Variants in CHL1 observed in about 807,000 individuals in gnomAD.
The protein encoded by CHL1 is cell adhesion molecule L1 like.
Under a neutral mutation model 141.9 loss-of-function variants are expected in CHL1, and 96 were observed. That is an observed-to-expected ratio of 0.68 (90% CI 0.57 to 0.80). CHL1 has a LOEUF of 0.80. Ranked by LOEUF, CHL1 falls within the 30% of genes least tolerant of loss-of-function variation. The probability of loss-of-function intolerance (pLI) is 0.00; values close to 1 mark genes in which losing one functional copy is unlikely to be tolerated. For synonymous variants in CHL1, 613 were observed against 502.2 expected (o/e 1.22, Z -2.95); for missense variants, 1,820 against 1,457.2 (o/e 1.25, Z -4.05).
intron 9 of CHL1, among the ~76,000 whole-genome samples, chr3:347,746 CCT>C (rs963371584): frequency 1.6e-4 from 25 of 152,258 alleles, no homozygotes; most frequent in African/African-American, 5.8e-4. Context: ...AGCTATGCAT[CCT>C]CTTAGGTGGT....
intron 24 of CHL1, 87 bp downstream of exon 24, chr3:394,959 T>C (rs1456707518): frequency 9.2e-7 from 1 of 1,081,696 alleles, no homozygotes; most frequent in East Asian, 2.6e-5. Context: ...GAAAGCACCG[T>C]GCCAGTCATT....
intron 13 of CHL1, among the ~76,000 whole-genome samples, chr3:362,656 T>C (rs1704394825): frequency 6.6e-6 from 1 of 152,092 alleles, no homozygotes; most frequent in South Asian, 2.1e-4. Flanking sequence ...CAGTCGCTTA[T>C]TGTCAAATGT....
At chr3:351,929 G>A (rs767127677) in intron 10 of CHL1, among the ~76,000 whole-genome samples, 22 of 152,038 alleles carry the variant, frequency 1.4e-4, no homozygotes, top group African/African-American at 5.1e-4. Flanking sequence ...ATATATTATA[G>A]TGACATCTAA....
chr3:314,317 C>G (rs1187067101), intron 2 of CHL1, among the ~76,000 whole-genome samples: 2 of 112,352 alleles, frequency 1.8e-5, no homozygotes, highest in African/African-American at 3.5e-5. Context: ...CTTTCTCTCT[C>G]TCTCTCTATG....
intron 5 of CHL1, among the ~76,000 whole-genome samples, chr3:330,695 T>A (rs1701368966): frequency 6.6e-6 from 1 of 152,168 alleles, no homozygotes; most frequent in Non-Finnish European, 1.5e-5. Flanking sequence ...TATAGTTTAG[T>A]TTTTGTTTCT....
chr3:349,978 AC>A (rs35138601), intron 10 of CHL1, among the ~76,000 whole-genome samples: 37,300 of 152,006 alleles, frequency 0.25, 5,269 homozygotes, highest in East Asian at 0.4. Flanking sequence ...CACTCTCCGT[AC>A]CTCAGGCTCT....
chr3:407,319 G>C lies in CHL1; in HGVS notation c.*1608G>C, dbSNP rs1709590711. On this transcript the variant is annotated 3_prime_UTR_variant, in exon 28 of 28. Transcript: ENST00000256509. ...TTATAGTTCATGGAGACCAAAATTTGGGGTATTTATAATAGTCAGCGCAGG... is the reference window on the plus strand; with the variant it reads ...TTATAGTTCATGGAGACCAAAATTTCGGGTATTTATAATAGTCAGCGCAGG... The C allele has an allele frequency of 6.6e-6, 1 of 152,022 alleles. No individual in the cohort carries two copies. The highest frequency in any genetic ancestry group is 1.5e-5 in the Non-Finnish European group (1 of 67,998). 9.4% of individuals were successfully genotyped at this position (152,022 alleles called of 1,614,324 possible).
chr3:358,386 C>G (rs890396520), intron 11 of CHL1, among the ~76,000 whole-genome samples: 1 of 152,088 alleles, frequency 6.6e-6, no homozygotes, highest in East Asian at 1.9e-4. Flanking sequence ...TACATTGAGC[C>G]CACTTGGGTC....
chr3:332,911 GGCA>G (rs1701551434), intron 5 of CHL1, among the ~76,000 whole-genome samples: 1 of 151,996 alleles, frequency 6.6e-6, no homozygotes, highest in East Asian at 1.9e-4. Context: ...CAAAGGAAAA[GGCA>G]GCAGCTAGAT....
chr3:378,961 G>C (rs144783704), intron 16 of CHL1, among the ~76,000 whole-genome samples: 121 of 152,288 alleles, frequency 7.9e-4, no homozygotes, highest in African/African-American at 2.8e-3. Flanking sequence ...AACAGCTACA[G>C]ACATTTGTTC....
intron 2 of CHL1, among the ~76,000 whole-genome samples, chr3:318,057 C>A (rs1051387485): frequency 3.3e-5 from 5 of 151,804 alleles, no homozygotes. Flanking sequence ...AATGCCATTA[C>A]TCTAATTCAG....
At chr3:268,215 G>A (rs1393372288) in intron 2 of CHL1, among the ~76,000 whole-genome samples, 1 of 152,178 alleles carries the variant, frequency 6.6e-6, no homozygotes, top group East Asian at 1.9e-4. Context: ...TAGATATTAT[G>A]GCAGTGATGA....
intron 1 of CHL1, among the ~76,000 whole-genome samples, chr3:199,411 C>T (rs546219281): frequency 6.6e-6 from 1 of 152,266 alleles, no homozygotes; most frequent in East Asian, 1.9e-4. Flanking sequence ...GGATCCTTTT[C>T]TTCAAAGAAA....
At chr3:346,635 G>A (rs556036773) in intron 9 of CHL1, among the ~76,000 whole-genome samples, 54 of 152,274 alleles carry the variant, frequency 3.5e-4, no homozygotes, top group African/African-American at 1.3e-3. Context: ...ATGTTGTTGT[G>A]AGGACATGAA....
intron 2 of CHL1, among the ~76,000 whole-genome samples, chr3:296,332 G>A (rs1237196051): frequency 3.9e-5 from 6 of 152,052 alleles, no homozygotes; most frequent in South Asian, 2.1e-4. Flanking sequence ...AATACAAATG[G>A]AATTTACTAT....
intron 23 of CHL1, among the ~76,000 whole-genome samples, chr3:392,717 G>A (rs1429986372): frequency 6.6e-6 from 1 of 152,180 alleles, no homozygotes; most frequent in Non-Finnish European, 1.5e-5. Context: ...TTTCACATCA[G>A]CTCAAGACTT....
intron 9 of CHL1, among the ~76,000 whole-genome samples, chr3:348,043 C>A (rs539281777): frequency 6.6e-6 from 1 of 152,044 alleles, no homozygotes; most frequent in Admixed American, 6.5e-5. Context: ...TTGACACACA[C>A]GATTTCAAGG....
chr3:211,054 T>A (rs907438952), intron 1 of CHL1, among the ~76,000 whole-genome samples: 4 of 152,198 alleles, frequency 2.6e-5, no homozygotes, highest in African/African-American at 9.6e-5. Flanking sequence ...ATCTGGGAAG[T>A]GACTTGGGTT....
chr3:353,809 C>A (rs771294809), intron 10 of CHL1, among the ~76,000 whole-genome samples: 2 of 152,188 alleles, frequency 1.3e-5, no homozygotes, highest in Non-Finnish European at 2.9e-5. Flanking sequence ...TTGCTACCTG[C>A]AGGTTTTGTG....
Sources: allele counts gnomAD v4.1 joint callset (sites outside exome capture counted in the v4.1 genomes callset), GRCh38; gene constraint gnomAD v4.1.1; transcripts MANE v1.5; gene names NCBI Gene and HGNC (gene_info 2026-07-23, HGNC 2026-07-21).